Variants in DMD observed in about 807,000 individuals in gnomAD.
DMD encodes the protein mutant dystrophin.
In DMD, 63 loss-of-function variants were observed where a neutral mutation model predicts 330.1. That is an observed-to-expected ratio of 0.19 (90% CI 0.16 to 0.24). DMD has a LOEUF of 0.24. Among genes scored for constraint, DMD ranks in the 10% least tolerant of loss-of-function variants. DMD has a pLI of 1.00. For synonymous variants in DMD, 1,223 were observed against 959.8 expected, an observed-to-expected ratio of 1.27 and a Z score of -5.07; for missense variants, 3,344 against 2,684.1, an observed-to-expected ratio of 1.25 and a Z score of -5.43.
At chrX:31,629,766 A>G (rs1274893491) in intron 54 of DMD, among the ~76,000 whole-genome samples, 1 of 111,972 alleles carries the variant, frequency 8.9e-6, no homozygotes, top group Non-Finnish European at 1.9e-5. Context: ...TACAGTTTGA[A>G]CCATGTGTAA....
intron 33 of DMD, among the ~76,000 whole-genome samples, chrX:32,381,719 G>A (rs980313421): frequency 9.0e-6 from 1 of 111,144 alleles, no homozygotes; most frequent in African/African-American, 3.3e-5. Context: ...ATAACTGGTA[G>A]AATTTACATA....
intron 37 of DMD, among the ~76,000 whole-genome samples, chrX:32,361,088 T>A (rs2097831929): frequency 9.0e-6 from 1 of 110,897 alleles, no homozygotes; most frequent in African/African-American, 3.3e-5. Context: ...CCAAAGATAA[T>A]ACCTTATTTT....
At chrX:31,729,274 A>G (rs1197689263) in intron 52 of DMD, among the ~76,000 whole-genome samples, 1 of 111,304 alleles carries the variant, frequency 9.0e-6, no homozygotes, top group Non-Finnish European at 1.9e-5. Flanking sequence ...TTGGACCAAC[A>G]GCCAAGGATA....
At chrX:31,368,685 G>A (rs1303187756) in intron 60 of DMD, among the ~76,000 whole-genome samples, 7 of 108,391 alleles carry the variant, frequency 6.5e-5, no homozygotes, top group African/African-American at 1.7e-4. Flanking sequence ...TTGCTCTGTC[G>A]CCCAGGCTGG....
intron 1 of DMD, among the ~76,000 whole-genome samples, chrX:33,059,789 C>T (rs2031556): frequency 0.28 from 31,347 of 111,201 alleles, 3,470 homozygotes; most frequent in East Asian, 0.68. Flanking sequence ...GGTGTATTTT[C>T]ACATAGTGGT....
intron 12 of DMD, among the ~76,000 whole-genome samples, chrX:32,602,827 C>T (rs889258321): frequency 9.9e-5 from 11 of 111,157 alleles, no homozygotes; most frequent in Admixed American, 9.6e-4. Flanking sequence ...TGCAACTGCT[C>T]TAGTCTCTAG....
chrX:32,588,720 C>A (rs2054558502), intron 13 of DMD, among the ~76,000 whole-genome samples: 1 of 111,320 alleles, frequency 9.0e-6, no homozygotes, highest in African/African-American at 3.3e-5. Context: ...ATGGCCTATA[C>A]CTTGAGAAAT....
At chrX:32,341,396 A>C (rs2097741723) in intron 41 of DMD, among the ~76,000 whole-genome samples, 1 of 112,159 alleles carries the variant, frequency 8.9e-6, no homozygotes, top group Non-Finnish European at 1.9e-5. Flanking sequence ...AAGTGAGACC[A>C]AGCTAACAAT....
intron 44 of DMD, among the ~76,000 whole-genome samples, chrX:32,192,754 T>A (rs1014278225): frequency 1.1e-4 from 12 of 111,938 alleles, no homozygotes; most frequent in African/African-American, 3.6e-4. Context: ...TTCTTTCATA[T>A]TAATCAACTA....
intron 72 of DMD, 115 bp from the exon 73 acceptor site, chrX:31,172,528 A>C: frequency 1.6e-6 from 1 of 610,946 alleles, no homozygotes; most frequent in Non-Finnish European, 2.7e-6. Flanking sequence ...AGAGAAAGGA[A>C]TCCTTCAAAT....
At chrX:32,529,968 C>T (rs895704659) in intron 17 of DMD, among the ~76,000 whole-genome samples, 2 of 111,168 alleles carry the variant, frequency 1.8e-5, no homozygotes, top group South Asian at 3.8e-4. Flanking sequence ...AAGCACATCA[C>T]TCATAAAATA....
intron 16 of DMD, among the ~76,000 whole-genome samples, chrX:32,554,948 AGAGGG>A (rs2050125288): frequency 1.4e-5 from 1 of 70,809 alleles, no homozygotes; most frequent in Non-Finnish European, 3.1e-5. Context: ...AAAGAGAGAG[AGAGGG>A]AGAGAGAAAG....
chrX:31,370,098 CAA>C (rs59989996), intron 60 of DMD, among the ~76,000 whole-genome samples: 1 of 59,327 alleles, frequency 1.7e-5, no homozygotes. Flanking sequence ...GGCTCCGTCT[CAA>C]AAAAAAAAAA....
chrX:32,734,672 T>C (rs1180691800), intron 7 of DMD, among the ~76,000 whole-genome samples: 1 of 109,317 alleles, frequency 9.1e-6, no homozygotes, highest in East Asian at 2.9e-4. Context: ...ACCACATGAT[T>C]ATCTCCATAG....
intron 44 of DMD, among the ~76,000 whole-genome samples, chrX:32,082,215 A>T: frequency 9.0e-6 from 1 of 111,353 alleles, no homozygotes; most frequent in Non-Finnish European, 1.9e-5. Flanking sequence ...CTATTCCATT[A>T]CATCTAAAAA....
Position 31,496,949 on chromosome X carries a change from A to T in DMD, c.8391-5T>A. ...GAACTGGCTTCCAAATGGGACCTGA[A>T]AAAGAACAGCAGCGTACCATGTCAG... On this transcript the variant is annotated splice_region_variant and splice_polypyrimidine_tract_variant and intron_variant, in intron 56 of 78. Transcript: ENST00000357033. 1 of 1,205,919 alleles carries T rather than the reference A, an allele frequency of 8.3e-7. No homozygotes were observed. Among genetic ancestry groups the T allele is most frequent in the African/African-American group, 1.7e-5 (1 of 57,805 alleles).
At chrX:32,399,004 A>G (rs1338015494) in intron 30 of DMD, among the ~76,000 whole-genome samples, 1 of 112,037 alleles carries the variant, frequency 8.9e-6, no homozygotes, top group Non-Finnish European at 1.9e-5. Context: ...GAGTCCTTCA[A>G]TAAATGGTGC....
chrX:33,123,233 G>A (rs774281532), intron 1 of DMD, among the ~76,000 whole-genome samples: 3 of 111,691 alleles, frequency 2.7e-5, no homozygotes, highest in African/African-American at 6.5e-5. Context: ...TTCACACAAC[G>A]ATGAAATTAC....
intron 1 of DMD, among the ~76,000 whole-genome samples, chrX:33,117,078 A>ATT (rs778479733): frequency 2.9e-3 from 317 of 109,924 alleles, no homozygotes; most frequent in African/African-American, 6.6e-3. Flanking sequence ...ATATATATAT[A>ATT]TTTTTTAACA....
Sources: gnomAD v4.1 joint callset for allele counts (sites outside exome capture counted in the v4.1 genomes callset) on GRCh38, gnomAD v4.1.1 for gene constraint, MANE v1.5 for transcripts, NCBI Gene and HGNC (gene_info 2026-07-23, HGNC 2026-07-21) for gene names.